The following LRRC4 variants were observed in gnomAD, a reference collection of about 807,000 sequenced individuals.
The protein encoded by LRRC4 is leucine-rich repeat-containing protein 4.
A neutral mutation model predicts 37.9 loss-of-function variants in LRRC4; 11 were observed. The observed-to-expected ratio is 0.29, with a 90% CI of 0.18 to 0.48. The LOEUF (loss-of-function observed/expected upper bound fraction) is 0.48. Ranked by LOEUF, LRRC4 falls within the 20% of genes least tolerant of loss-of-function variation. LRRC4 has a pLI of 0.99. For missense variants in LRRC4, 717 were observed against 842.1 expected, an observed-to-expected ratio of 0.85 and a Z score of 1.84; for synonymous variants, 404 against 346.7, an observed-to-expected ratio of 1.17 and a Z score of -1.84.
Position 128,030,260 on chromosome 7 carries a change from G to T in LRRC4, c.381C>A (p.Thr127=), listed in dbSNP as rs1442026379. 2.5e-6 allele frequency: 4 copies of T among 1,614,076 alleles called. No homozygotes were observed. In the African/African-American group the frequency reaches 5.3e-5, roughly 22 times the overall value. Residue 127 remains threonine, a synonymous_variant, in exon 2 of 2, where the codon ACC becomes ACA. Coordinates refer to ENST00000249363, the MANE Select transcript of LRRC4 (RefSeq NM_022143.5). ...TCAGCCAGTTGTCGAACAGCTCCAG[G>T]GTGTTGAGGCTGGCCAGGCCGTTGA... The part of the protein sequence containing the change: ...GAFNGLASLN[T]LELFDNWLTV...
rs754152622 is a variant in LRRC4, at chr7:128,029,463, C to A, written c.1178G>T (p.Ser393Ile). 1.4e-5 allele frequency: 22 copies of A among 1,614,192 alleles called. No individual in the cohort carries two copies. In the South Asian group the frequency reaches 1.9e-4, roughly 14 times the overall value. The change falls in exon 2 of 2, where the codon AGC becomes ATC. Residue 393 changes from serine to isoleucine, a missense_variant. Around this residue, in one of 5 missense-constraint regions of LRRC4, gnomAD observed 293 missense variants for 268.3 expected, o/e 1.09. Transcript: ENST00000249363. This position sits in a 1 kb window ranked among gnomAD's most constrained non-coding sequence, Gnocchi z 4.2. The stretch of plus-strand genomic sequence containing the variant: ...GATCCTTGGGTGGCGGGAGGCGTGG[C>A]TGAGCACTGTCCCATTGGGCAGCAA... ...KWLLPNGTVL[S>I]HASRHPRISV...
Position 128,030,689 on chromosome 7 carries a change from A to G in LRRC4, c.-49T>C. On this transcript the variant is annotated 5_prime_UTR_variant, in exon 2 of 2. Transcript: ENST00000249363. ...CATCGCCTGGGATTTTGGCTCGGAA[A>G]GGAGAACCAGCCCTACCCCGGCTTA... 1.3e-6 allele frequency: 2 copies of G among 1,524,220 alleles called. No individual in the cohort carries two copies. Among genetic ancestry groups the G allele is most frequent in the Non-Finnish European group, 1.8e-6 (2 of 1,133,652 alleles). 94.4% of individuals were successfully genotyped at this position (1,524,220 alleles called of 1,614,324 possible).
At chr7:128,031,723 G>C (rs1238144539), upstream of LRRC4, 1 of 144,092 alleles carries the variant, frequency 6.9e-6, no homozygotes, top group African/African-American at 2.5e-5. Flanking sequence ...GTCCGGGGGC[G>C]GGCGCGGGTC....
upstream of LRRC4, among the ~76,000 whole-genome samples, chr7:128,031,783 C>CGCCCGCCGCT (rs564375276): frequency 6.9e-6 from 1 of 145,590 alleles, no homozygotes; most frequent in Non-Finnish European, 1.5e-5. Context: ...CGCCCGTCGC[C>CGCCCGCCGCT]GCCCGCCGCT....
At position 128,030,440 on chromosome 7, in the gene LRRC4, G is replaced by C; in HGVS notation, c.201C>G (p.Ser67=). 2 of 1,613,800 alleles carry C rather than the reference G, an allele frequency of 1.2e-6. No individual in the cohort carries two copies. Among genetic ancestry groups the C allele is most frequent in the Non-Finnish European group, 8.5e-7 (1 of 1,180,020 alleles). The change falls in exon 2 of 2, where the codon TCC becomes TCG. Residue 67 remains serine, a synonymous_variant. Coordinates refer to ENST00000249363, the MANE Select transcript of LRRC4 (RefSeq NM_022143.5). ...TCGAGGGAATACCCTGCGGGACCTC[G>C]GAGAGGCCCCGGCGCGTGCACACCA... The part of the protein sequence containing the change: ...SKVVCTRRGL[S]EVPQGIPSNT...
At position 128,028,959 on chromosome 7, in the gene LRRC4, G is replaced by A. The variant is rs372450988; in HGVS notation, c.1682C>T (p.Thr561Ile). 2 of 1,608,924 alleles carry A rather than the reference G, an allele frequency of 1.2e-6. No homozygotes were observed. Among genetic ancestry groups the A allele is most frequent in the African/African-American group, 1.3e-5 (1 of 75,000 alleles). ...RKRHQQRSTV[T>I]AARTVEIIQV... ...GATTATCTCAACAGTCCGGGCGGCT[G>A]TGACTGTACTCCGCTGCTGGTGCCG... Residue 561 changes from threonine to isoleucine, a missense_variant, in exon 2 of 2, where the codon ACA becomes ATA. Transcript: ENST00000249363.
At chr7:128,030,796 A>G in intron 1 of LRRC4, 56 bp from the exon 2 acceptor site, 1 of 961,076 alleles carries the variant, frequency 1.0e-6, no homozygotes, top group Non-Finnish European at 1.5e-6. Context: ...TCGGCCGAAA[A>G]AAATCCTGCC....
rs764287177 is a variant in LRRC4, at chr7:128,029,621, G to A, written c.1020C>T (p.Leu340=). Residue 340 remains leucine (L), a synonymous_variant, in exon 2 of 2, where the codon CTC becomes CTT. Transcript: ENST00000249363. This position sits in a 1 kb window ranked among gnomAD's most constrained non-coding sequence, Gnocchi z 4.2. ...GGAAGGAGGCCTGGTCCACCTCCAC[G>A]AGGTAGCGGCCTCGCATGTGCATGG... The part of the protein sequence containing the change: ...HAPMHMRGRY[L]VEVDQASFQC... 34 of 1,613,904 alleles carry A rather than the reference G, an allele frequency of 2.1e-5. No homozygotes were observed. The highest frequency in any genetic ancestry group is 2.5e-5 in the Non-Finnish European group (30 of 1,180,022).
In LRRC4 at chr7:128,029,292, T is replaced by C. The variant is rs1279430391; in HGVS notation, c.1349A>G (p.Asn450Ser). The C allele has an allele frequency of 1.9e-6, 3 of 1,613,968 alleles. No individual in the cohort carries two copies. Among genetic ancestry groups the C allele is most frequent in the African/African-American group, 2.7e-5 (2 of 74,866 alleles). ...TGTTACTGTGGTGAAGAAGCTGTAG[T>C]TGGAGGTGTTAAGCTCAGCCGTGCT... ...NVSTAELNTS[N>S]YSFFTTVTVE... The change falls in exon 2 of 2, where the codon AAC becomes AGC. Residue 450 changes from asparagine (N) to serine (S), a missense_variant. Physicochemically the swap from Asn to Ser is conservative, Grantham distance 46. This residue lies in a region of LRRC4 where 293 missense variants were observed against 268.3 expected (regional missense o/e 1.09). Coordinates refer to ENST00000249363, the MANE Select transcript of LRRC4 (RefSeq NM_022143.5). This position sits in a 1 kb window ranked among gnomAD's most constrained non-coding sequence, Gnocchi z 4.2.
chr7:128,030,056 C>G lies in LRRC4; in HGVS notation c.585G>C (p.Leu195=), dbSNP rs761626167. 6 of 1,613,222 alleles carry G rather than the reference C, an allele frequency of 3.7e-6. No individual in the cohort carries two copies. Among genetic ancestry groups the G allele is most frequent in the African/African-American group, 1.3e-5 (1 of 74,932 alleles). The part of the protein sequence containing the change: ...EYISEGAFEG[L]FNLKYLNLGM... The stretch of plus-strand genomic sequence containing the variant: ...CCAAGTTCAGATACTTGAGGTTGAA[C>G]AGCCCCTCAAAAGCTCCCTCAGAGA... Residue 195 remains leucine (L), a synonymous_variant, in exon 2 of 2, where the codon CTG becomes CTC. Coordinates refer to ENST00000249363, the MANE Select transcript of LRRC4 (RefSeq NM_022143.5).
In LRRC4 at chr7:128,028,918, T is replaced by A; in HGVS notation, c.1723A>T (p.Ile575Phe). The change falls in exon 2 of 2, where the codon ATC becomes TTC. Residue 575 changes from isoleucine (I) to phenylalanine (F), a missense_variant. By Grantham distance (21) the Ile-to-Phe change is conservative. This residue lies in a region of LRRC4 where 140 missense variants were observed against 137.2 expected (regional missense o/e 1.02). Transcript: ENST00000249363. ...GCTGCTGCGGATGTTGCTGCTGGGA[T>A]GTCTTCGTCCACCTGGATTATCTCA... is the stretch of plus-strand genomic sequence containing the variant. ...TVEIIQVDED[I>F]PAATSAAATA... The A allele has an allele frequency of 6.2e-7, 1 of 1,612,230 alleles. No homozygotes were observed. Among genetic ancestry groups the A allele is most frequent in the Non-Finnish European group, 8.5e-7 (1 of 1,178,840 alleles).
Position 128,028,571 on chromosome 7 carries a change from A to T in LRRC4, c.*108T>A, listed in dbSNP as rs953004573. 1.4e-5 allele frequency: 15 copies of T among 1,056,786 alleles called. No homozygotes were observed. The highest frequency in any genetic ancestry group is 2.1e-5 in the Non-Finnish European group (15 of 724,108). The allele number at this position is 1,056,786 out of a possible 1,614,324, so 65.5% of individuals were successfully genotyped here. A position where few individuals can be genotyped will look rare whatever the true frequency, so the allele number is the denominator to read the frequency against. ...TCTGTTTTTTTTAACCAGCCCATAG[A>T]CTTAATATATAAGCATATACAAGAA... On this transcript the variant is annotated 3_prime_UTR_variant, in exon 2 of 2. Coordinates refer to ENST00000249363, the MANE Select transcript of LRRC4 (RefSeq NM_022143.5).
rs1163347486 is a variant in LRRC4 at position 128,027,826 on chromosome 7, C to T, written c.*853G>A. The T allele has an allele frequency of 6.6e-6, 1 of 152,190 alleles. No homozygotes were observed. Among genetic ancestry groups the T allele is most frequent in the Non-Finnish European group, 1.5e-5 (1 of 68,044 alleles). 9.4% of individuals were successfully genotyped at this position (152,190 alleles called of 1,614,324 possible). A position where few individuals can be genotyped will look rare whatever the true frequency, so the allele number is the denominator to read the frequency against. On this transcript the variant is annotated 3_prime_UTR_variant, in exon 2 of 2. Transcript: ENST00000249363. ...CTTCCCACCCCCCTGCTGCCGCACC[C>T]CTTCAGGGGCCTCCTCCTCCTGGGA... is the stretch of plus-strand genomic sequence containing the variant.
chr7:128,031,044 A>AGAGGGGAGGGGAGGG lies in LRRC4; in HGVS notation c.-247_-233dup, dbSNP rs891308260. On this transcript the variant is annotated 5_prime_UTR_variant, in exon 1 of 2. Coordinates refer to ENST00000249363, the MANE Select transcript of LRRC4 (RefSeq NM_022143.5). ...GGGAAGTGGTGGGGGCGGGGAGGGC[A>AGAGGGGAGGGGAGGG]GAGGGGAGGGGAGGGGAGGGGAGGG... The AGAGGGGAGGGGAGGG allele has an allele frequency of 1.2e-4, 8 of 64,722 alleles. No individual in the cohort carries two copies. The highest frequency in any genetic ancestry group is 1.1e-3 in the South Asian group (2 of 1,812). 4.0% of individuals were successfully genotyped at this position (64,722 alleles called of 1,614,324 possible). A position where few individuals can be genotyped will look rare whatever the true frequency, so the allele number is the denominator to read the frequency against.
At chr7:128,031,646 C>T (rs1447084953), upstream of LRRC4, 1 of 147,406 alleles carries the variant, frequency 6.8e-6, no homozygotes, top group Non-Finnish European at 1.5e-5. Context: ...GCGCTCGGAC[C>T]CGGTCCGCCG....
chr7:128,030,670 C>A lies in LRRC4; in HGVS notation c.-30G>T. The A allele has an allele frequency of 6.6e-7, 1 of 1,524,428 alleles. No individual in the cohort carries two copies. Among genetic ancestry groups the A allele is most frequent in the South Asian group, 1.3e-5 (1 of 77,634 alleles). 94.4% of individuals were successfully genotyped at this position (1,524,428 alleles called of 1,614,324 possible). A position where few individuals can be genotyped will look rare whatever the true frequency, so the allele number is the denominator to read the frequency against. On this transcript the variant is annotated 5_prime_UTR_variant, in exon 2 of 2. The change creates a new upstream start codon in the 5' untranslated region. Coordinates refer to ENST00000249363, the MANE Select transcript of LRRC4 (RefSeq NM_022143.5). ...TGGCACGTTCATAATTCACCATCGC[C>A]TGGGATTTTGGCTCGGAAAGGAGAA...
upstream of LRRC4, chr7:128,031,976 G>A (rs530047069): frequency 2.6e-5 from 4 of 151,452 alleles, no homozygotes; most frequent in African/African-American, 9.7e-5. Flanking sequence ...GGCTAGCGGC[G>A]GCAGCAGCAG....
At position 128,030,254 on chromosome 7, in the gene LRRC4, C is replaced by T; in HGVS notation, c.387G>A (p.Glu129=). ...FNGLASLNTL[E]LFDNWLTVIP... is the part of the protein sequence containing the mutation. The stretch of plus-strand genomic sequence containing the variant: ...TGACTGTCAGCCAGTTGTCGAACAG[C>T]TCCAGGGTGTTGAGGCTGGCCAGGC... The change falls in exon 2 of 2, where the codon GAG becomes GAA. Residue 129 remains glutamate, a synonymous_variant. Coordinates refer to ENST00000249363, the MANE Select transcript of LRRC4 (RefSeq NM_022143.5). 6.2e-7 allele frequency: 1 copy of T among 1,614,226 alleles called. No homozygotes were observed. The highest frequency in any genetic ancestry group is 2.2e-5 in the East Asian group (1 of 44,868).
At chr7:128,031,846 C>T (rs1181492201), upstream of LRRC4, among the ~76,000 whole-genome samples, 13 of 150,310 alleles carry the variant, frequency 8.6e-5, no homozygotes, top group Non-Finnish European at 1.5e-4. Context: ...GGAGCGAGTT[C>T]GCGGCTTCGG....
Sources: allele counts gnomAD v4.1 joint callset (sites outside exome capture counted in the v4.1 genomes callset), GRCh38; gene constraint gnomAD v4.1.1; regional missense constraint gnomAD v4.1.1; non-coding constraint Gnocchi (gnomAD v3.1); transcripts MANE v1.5; gene names NCBI Gene and HGNC (gene_info 2026-07-23, HGNC 2026-07-21).